FLT3: variants seen among roughly 807,000 people sequenced by gnomAD.
FLT3 encodes receptor-type tyrosine-protein kinase FLT3.
Under a neutral mutation model 126.6 loss-of-function variants are expected in FLT3, and 46 were observed. The observed-to-expected ratio is 0.36, with a 90% CI of 0.29 to 0.46. The LOEUF (loss-of-function observed/expected upper bound fraction) is 0.46. Ranked by LOEUF, FLT3 falls within the 20% of genes least tolerant of loss-of-function variation. The probability of loss-of-function intolerance (pLI) is 1.00; values close to 1 mark genes in which losing one functional copy is unlikely to be tolerated. For missense variants in FLT3, 1,069 were observed against 1,190.3 expected, an observed-to-expected ratio of 0.90 and a Z score of 1.50; for synonymous variants, 404 against 434.4, an observed-to-expected ratio of 0.93 and a Z score of 0.87.
chr13:28,076,915 G>A (rs1172338489), intron 1 of FLT3, among the ~76,000 whole-genome samples: 2 of 143,240 alleles, frequency 1.4e-5, no homozygotes, highest in Non-Finnish European at 3.1e-5. Context: ...ATGACAGAGT[G>A]AGACCCTGTC....
Position 28,015,167 on chromosome 13 carries a change from T to C in FLT3, c.2743A>G (p.Thr915Ala). ...CTGACTTGAACTTACATTTCTTCTGTAGCATAAAATGGCTGATCCATTTTA... is the reference window on the plus strand; with the variant it reads ...CTGACTTGAACTTACATTTCTTCTGCAGCATAAAATGGCTGATCCATTTTA... The part of the protein sequence containing the change: ...GFKMDQPFYA[T>A]EEIYIIMQSC... Residue 915 changes from threonine to alanine, a missense_variant, in exon 22 of 24, where the codon ACA (threonine) becomes GCA (alanine). By Grantham distance (58) the Thr-to-Ala change is moderately conservative. Transcript: ENST00000241453. The C allele has an allele frequency of 6.3e-7, 1 of 1,586,618 alleles. No individual in the cohort carries two copies. Among genetic ancestry groups the C allele is most frequent in the South Asian group, 1.1e-5 (1 of 90,210 alleles).
intron 4 of FLT3, among the ~76,000 whole-genome samples, chr13:28,054,837 T>A (rs1280291743): frequency 6.6e-6 from 1 of 152,212 alleles, no homozygotes; most frequent in Non-Finnish European, 1.5e-5. Context: ...TTAAAGTGCC[T>A]AAGTTTATCT....
chr13:28,074,816 T>C (rs1442220353), intron 1 of FLT3, among the ~76,000 whole-genome samples: 1 of 152,018 alleles, frequency 6.6e-6, no homozygotes, highest in African/African-American at 2.4e-5. Context: ...AATTTCTGTA[T>C]TTTTGTAATT....
In FLT3 at chr13:28,050,118, TC is replaced by T; in HGVS notation, c.718del (p.Glu240AsnfsTer8). 1.2e-6 allele frequency: 2 copies of T among 1,614,138 alleles called. No individual in the cohort carries two copies. The highest frequency in any genetic ancestry group is 1.7e-6 in the Non-Finnish European group (2 of 1,179,992). On this transcript the variant is annotated frameshift_variant, in exon 6 of 24. Transcript: ENST00000241453. LOFTEE classifies it high-confidence loss of function. ...ACCTATTGTGAACAGCCTGGTGCAT[TC>T]CCTGCCCAGTTCATTTCTGGCACAG... ...RCCARNELGR[E>X]CTRLFTIDLN... is the part of the protein sequence containing the mutation.
At position 28,100,383 on chromosome 13, in the gene FLT3, C is replaced by G. The variant is rs1428635371; in HGVS notation, c.43+85G>C. The G allele has an allele frequency of 1.0e-6, 1 of 965,176 alleles. No homozygotes were observed. Among genetic ancestry groups the G allele is most frequent in the Non-Finnish European group, 1.3e-6 (1 of 752,570 alleles). 59.8% of individuals were successfully genotyped at this position (965,176 alleles called of 1,614,324 possible). A position where few individuals can be genotyped will look rare whatever the true frequency, so the allele number is the denominator to read the frequency against. On this transcript the variant is annotated intron_variant, in intron 1 of 23. Coordinates refer to ENST00000241453, the MANE Select transcript of FLT3 (RefSeq NM_004119.3). This position sits in a 1 kb window ranked among gnomAD's most constrained non-coding sequence, Gnocchi z 4.8. ...GCGGGGAGGAGCGAGGCGGCTGGGC[C>G]GGAGGAGGCGCGCGCCCGGGTCCAC...
At position 28,097,239 on chromosome 13, in the gene FLT3, A is replaced by G. The variant is rs77391846; in HGVS notation, c.43+3229T>C. Among the ~76,000 whole-genome samples, 8 of 138,244 alleles carry G rather than the reference A, an allele frequency of 5.8e-5. No individual in the cohort carries two copies. The South Asian group carries it at 8.9e-4, about 15-fold the overall frequency. The allele number at this position is 138,244 out of a possible 152,430, so 90.7% of individuals were successfully genotyped here. A position where few individuals can be genotyped will look rare whatever the true frequency, so the allele number is the denominator to read the frequency against. On this transcript the variant is annotated intron_variant, in intron 1 of 23. Coordinates refer to ENST00000241453, the MANE Select transcript of FLT3 (RefSeq NM_004119.3). ...AAGAAAGAAAGAAAAAGAAAGAAAG[A>G]AAGGAAGGAAGGAAAGAAGGAAGGA... is the stretch of plus-strand genomic sequence containing the variant.
In FLT3 at chr13:28,012,329, C is replaced by T. The variant is rs144481119; in HGVS notation, c.2859+2123G>A. Among the ~76,000 whole-genome samples, 94 of 152,210 alleles carry T rather than the reference C, an allele frequency of 6.2e-4. 1 individual carries two copies. Among genetic ancestry groups the T allele is most frequent in the African/African-American group, 2.2e-3 (91 of 41,516 alleles). On this transcript the variant is annotated intron_variant, in intron 23 of 23. Coordinates refer to ENST00000241453, the MANE Select transcript of FLT3 (RefSeq NM_004119.3). The stretch of plus-strand genomic sequence containing the variant: ...AACACAGGAAAGGGGATCTGGACAT[C>T]CTGTGAGTATGGGGACAGGAAAGGA...
At chr13:28,035,826 A>T in intron 11 of FLT3, 109 bp downstream of exon 11, 1 of 1,216,404 alleles carries the variant, frequency 8.2e-7, no homozygotes. Flanking sequence ...TGAGAAGGTT[A>T]GCATTTTAAA....
At chr13:28,024,123 T>C (rs1872620396) in intron 18 of FLT3, among the ~76,000 whole-genome samples, 1 of 139,992 alleles carries the variant, frequency 7.1e-6, no homozygotes, top group Non-Finnish European at 1.6e-5. Flanking sequence ...TCCTTCCTTT[T>C]TTTTTCTTTC....
chr13:28,050,114 G>A lies in FLT3; in HGVS notation c.723C>T (p.Cys241=), dbSNP rs2137730599. The A allele has an allele frequency of 6.2e-7, 1 of 1,614,102 alleles. No individual in the cohort carries two copies. The change falls in exon 6 of 24, where the codon TGC becomes TGT. Residue 241 remains cysteine, a synonymous_variant. Coordinates refer to ENST00000241453, the MANE Select transcript of FLT3 (RefSeq NM_004119.3). Reference sequence around the variant, plus strand: ...TGTTACCTATTGTGAACAGCCTGGTGCATTCCCTGCCCAGTTCATTTCTGG... The same window carrying A: ...TGTTACCTATTGTGAACAGCCTGGTACATTCCCTGCCCAGTTCATTTCTGG... ...CCARNELGRE[C]TRLFTIDLNQ...
intron 1 of FLT3, among the ~76,000 whole-genome samples, chr13:28,097,568 T>C (rs529254276): frequency 6.6e-6 from 1 of 152,372 alleles, no homozygotes; most frequent in South Asian, 2.1e-4. Context: ...TAATTTACTA[T>C]AGATAGACGT....
At chr13:28,038,894 T>C (rs1874086718) in intron 9 of FLT3, among the ~76,000 whole-genome samples, 1 of 152,194 alleles carries the variant, frequency 6.6e-6, no homozygotes, top group Admixed American at 6.5e-5. Context: ...CAAAGATACC[T>C]AAACCGGGTG....
Position 28,056,145 on chromosome 13 carries a change from A to G in FLT3, c.484+1202T>C, listed in dbSNP as rs568433376. Among the ~76,000 whole-genome samples, 215 of 152,280 alleles carry G rather than the reference A, an allele frequency of 1.4e-3. 1 individual carries two copies. The highest frequency in any genetic ancestry group is 4.6e-3 in the African/African-American group (190 of 41,564). ...GCTCTCTTCTGTTAGTAGCTTTGAC[A>G]GCAAGACCCACACATTCTCACACAA... is the stretch of plus-strand genomic sequence containing the variant. On this transcript the variant is annotated intron_variant, in intron 4 of 23. Transcript: ENST00000241453.
At chr13:28,028,114 A>C in intron 16 of FLT3, 64 bp downstream of exon 16, 1 of 808,010 alleles carries the variant, frequency 1.2e-6, no homozygotes, top group Non-Finnish European at 2.2e-6. Context: ...AGAGAGAGCA[A>C]ACATCCTCTT....
At chr13:28,098,112 C>T (rs560223001) in intron 1 of FLT3, among the ~76,000 whole-genome samples, 1 of 151,818 alleles carries the variant, frequency 6.6e-6, no homozygotes, top group Non-Finnish European at 1.5e-5. Context: ...GTCAGGAGTT[C>T]GAGACCAGCC....
chr13:28,029,859 A>G (rs1873156281), intron 15 of FLT3, among the ~76,000 whole-genome samples: 1 of 152,212 alleles, frequency 6.6e-6, no homozygotes, highest in South Asian at 2.1e-4. Context: ...TAGCTCAGCA[A>G]ACTGTACTTA....
chr13:28,054,183 T>C (rs1259248366), intron 4 of FLT3, among the ~76,000 whole-genome samples: 5 of 152,332 alleles, frequency 3.3e-5, no homozygotes, highest in African/African-American at 9.6e-5. Flanking sequence ...AAAGTGGTTA[T>C]ACTAATTTAT....
intron 2 of FLT3, among the ~76,000 whole-genome samples, chr13:28,063,276 C>T (rs1045491024): frequency 2.6e-5 from 4 of 151,978 alleles, no homozygotes; most frequent in South Asian, 2.1e-4. Context: ...GTCAGGAGTT[C>T]GAGACCAGCC....
chr13:28,035,791 A>G (rs966696151), intron 11 of FLT3, 118 bp from the exon 12 acceptor site: 95 of 1,238,802 alleles, frequency 7.7e-5, no homozygotes, highest in Non-Finnish European at 1.0e-4. Flanking sequence ...GAAACAGTCT[A>G]TGACTATTGA....
Sources: gnomAD v4.1 joint callset for allele counts (sites outside exome capture counted in the v4.1 genomes callset) on GRCh38, gnomAD v4.1.1 for gene constraint, Gnocchi (gnomAD v3.1) non-coding constraint, MANE v1.5 for transcripts, NCBI Gene and HGNC (gene_info 2026-07-23, HGNC 2026-07-21) for gene names.